The following OXR1 variants were observed in gnomAD, a reference collection of about 807,000 sequenced individuals.
OXR1 encodes oxidation resistance 1.
OXR1 carries 41 observed loss-of-function variants against 104.6 expected under a neutral mutation model. The observed-to-expected ratio is 0.39, with a 90% confidence interval of 0.31 to 0.51. The LOEUF (loss-of-function observed/expected upper bound fraction) is 0.51, where lower values mean the gene tolerates loss of function less well. Ranked by LOEUF, OXR1 falls within the 20% of genes least tolerant of loss-of-function variation. OXR1 has a pLI of 0.77. For missense variants in OXR1, 955 were observed against 1,031.9 expected, an observed-to-expected ratio of 0.93 and a Z score of 1.02; for synonymous variants, 348 against 348.4, an observed-to-expected ratio of 1.00 and a Z score of 0.01.
At chr8:106,654,471 T>C (rs1200768749) in intron 3 of OXR1, among the ~76,000 whole-genome samples, 1 of 152,038 alleles carries the variant, frequency 6.6e-6, no homozygotes, top group Non-Finnish European at 1.5e-5. Context: ...AACAACTGGA[T>C]AGCCACACAT....
At chr8:106,507,136 A>C (rs1345324096) in intron 2 of OXR1, among the ~76,000 whole-genome samples, 5 of 152,202 alleles carry the variant, frequency 3.3e-5, no homozygotes, top group Non-Finnish European at 7.3e-5. Flanking sequence ...GAAAAAGGGA[A>C]TATTTGGAGA....
intron 2 of OXR1, among the ~76,000 whole-genome samples, chr8:106,471,430 G>T (rs1330726562): frequency 6.6e-6 from 1 of 151,690 alleles, no homozygotes; most frequent in East Asian, 1.9e-4. Context: ...AGGCAAGATG[G>T]TTGTACTCTG....
chr8:106,516,155 GCTGCTCCCTCATAA>G (rs1032833862), intron 2 of OXR1, among the ~76,000 whole-genome samples: 7 of 152,002 alleles, frequency 4.6e-5, no homozygotes, highest in Non-Finnish European at 7.4e-5. Context: ...TTTCTGAAAT[GCTGCTCCCTCATAA>G]CTGCTCCCTC....
intron 3 of OXR1, among the ~76,000 whole-genome samples, chr8:106,638,300 T>C (rs928004099): frequency 6.6e-6 from 1 of 152,106 alleles, no homozygotes; most frequent in Admixed American, 6.6e-5. Flanking sequence ...TGATAAATCG[T>C]CACCTTCACC....
chr8:106,634,626 A>G (rs1419269944), intron 3 of OXR1, among the ~76,000 whole-genome samples: 2 of 152,222 alleles, frequency 1.3e-5, no homozygotes, highest in Non-Finnish European at 2.9e-5. Context: ...CTACAGATCA[A>G]GTAGTTAACT....
rs551664396 is a variant in OXR1, at chr8:106,737,749, C to T, written c.2037+149C>T. On this transcript the variant is annotated intron_variant, in intron 12 of 16. Coordinates refer to ENST00000517566, the MANE Select transcript of OXR1 (RefSeq NM_001198533.2). The stretch of plus-strand genomic sequence containing the variant: ...TTTGTATTAAAGGTTATAGTATTGC[C>T]GTGAAGAGCTGTGGATTATCTTTTC... 1.7e-4 allele frequency: 69 copies of T among 399,026 alleles called. No individual in the cohort carries two copies. In the East Asian group the frequency reaches 2.0e-3, roughly 11 times the overall value. 24.7% of individuals were successfully genotyped at this position (399,026 alleles called of 1,614,324 possible). A position where few individuals can be genotyped will look rare whatever the true frequency, so the allele number is the denominator to read the frequency against.
intron 2 of OXR1, among the ~76,000 whole-genome samples, chr8:106,483,876 T>C (rs1458943528): frequency 6.6e-6 from 1 of 152,072 alleles, no homozygotes; most frequent in Non-Finnish European, 1.5e-5. Context: ...GAAGCTATTA[T>C]ATCCTAGACT....
chr8:106,417,489 C>A (rs1236982608), intron 2 of OXR1, among the ~76,000 whole-genome samples: 1 of 152,116 alleles, frequency 6.6e-6, no homozygotes, highest in Non-Finnish European at 1.5e-5. Context: ...GAGATTCATT[C>A]ATTTCAAGTG....
intron 3 of OXR1, among the ~76,000 whole-genome samples, chr8:106,557,684 C>T (rs1428345058): frequency 2.0e-5 from 3 of 152,024 alleles, no homozygotes; most frequent in Admixed American, 6.6e-5. Flanking sequence ...CATTTATTCG[C>T]TCTCTCTGCA....
At chr8:106,501,645 G>T (rs1448755042) in intron 2 of OXR1, among the ~76,000 whole-genome samples, 1 of 152,144 alleles carries the variant, frequency 6.6e-6, no homozygotes, top group Non-Finnish European at 1.5e-5. Flanking sequence ...AATGATCCTT[G>T]TTCTGAAATG....
At chr8:106,500,088 T>C (rs554537517) in intron 2 of OXR1, among the ~76,000 whole-genome samples, 3 of 152,206 alleles carry the variant, frequency 2.0e-5, no homozygotes, top group Admixed American at 6.5e-5. Context: ...CATCATCAAG[T>C]GTAGACTACT....
chr8:106,680,513 C>CT (rs1828043727), intron 4 of OXR1, among the ~76,000 whole-genome samples: 1 of 152,038 alleles, frequency 6.6e-6, no homozygotes, highest in Non-Finnish European at 1.5e-5. Flanking sequence ...CTCCAGAACT[C>CT]TAATTTTTTA....
intron 2 of OXR1, among the ~76,000 whole-genome samples, chr8:106,509,606 C>A (rs1812388631): frequency 6.6e-6 from 1 of 152,100 alleles, no homozygotes; most frequent in Non-Finnish European, 1.5e-5. Flanking sequence ...TCCCCCAGGG[C>A]ACTATAGAAA....
chr8:106,441,414 C>T (rs1014409269), intron 2 of OXR1, among the ~76,000 whole-genome samples: 2 of 152,096 alleles, frequency 1.3e-5, no homozygotes, highest in East Asian at 3.9e-4. Flanking sequence ...TCTTTGATTC[C>T]ATGTGAAATT....
At chr8:106,726,020 C>A in intron 11 of OXR1, 1 of 539,048 alleles carries the variant, frequency 1.9e-6, no homozygotes, top group Non-Finnish European at 3.0e-6. Flanking sequence ...GGGAAATTCT[C>A]TCTTCCCTCC....
intron 2 of OXR1, among the ~76,000 whole-genome samples, chr8:106,484,303 T>C (rs75450699): frequency 0.022 from 3,338 of 152,162 alleles, 126 homozygotes; most frequent in African/African-American, 0.076. Context: ...AGAATTGCAA[T>C]GTTTCTACCA....
In OXR1 at chr8:106,520,790, G is replaced by A. The variant is rs540883666; in HGVS notation, c.220+1651G>A. On this transcript the variant is annotated intron_variant, in intron 3 of 16. Transcript: ENST00000517566. Reference sequence around the variant, plus strand: ...GCCTTCTATTGCTTTTCTAATTAGCGAAAAAGACACAATTAGTATTTTTTC... The same window carrying A: ...GCCTTCTATTGCTTTTCTAATTAGCAAAAAAGACACAATTAGTATTTTTTC... Among the ~76,000 whole-genome samples, 6 of 152,054 alleles carry A rather than the reference G, an allele frequency of 3.9e-5. No homozygotes were observed. The South Asian group carries it at 1.0e-3, about 26-fold the overall frequency.
At chr8:106,744,153 C>T (rs192412398) in intron 15 of OXR1, among the ~76,000 whole-genome samples, 1 of 152,212 alleles carries the variant, frequency 6.6e-6, no homozygotes, top group Non-Finnish European at 1.5e-5. Context: ...CTGTGGCACA[C>T]GTTTACCTGT....
At chr8:106,468,748 T>A (rs1427690534) in intron 2 of OXR1, among the ~76,000 whole-genome samples, 1 of 151,740 alleles carries the variant, frequency 6.6e-6, no homozygotes, top group African/African-American at 2.4e-5. Flanking sequence ...CGGATTGCAG[T>A]TGGACAAGAA....
Sources: allele counts gnomAD v4.1 joint callset (sites outside exome capture counted in the v4.1 genomes callset), GRCh38; gene constraint gnomAD v4.1.1; transcripts MANE v1.5; gene names NCBI Gene and HGNC (gene_info 2026-07-23, HGNC 2026-07-21).